Variants in SLC9A9 observed in about 807,000 individuals in gnomAD.
SLC9A9 encodes the protein solute carrier family 9 member A9.
SLC9A9 carries 62 observed loss-of-function variants against 77.8 expected under a neutral mutation model. That is an observed-to-expected ratio of 0.80 (90% CI 0.65 to 0.98). The LOEUF (loss-of-function observed/expected upper bound fraction) is 0.98, where lower values mean the gene tolerates loss of function less well. SLC9A9 is among the 50% of genes least tolerant of loss of function. The probability of loss-of-function intolerance (pLI) is 0.00; values close to 1 mark genes in which losing one functional copy is unlikely to be tolerated. For synonymous variants in SLC9A9, 320 were observed against 283.5 expected, an observed-to-expected ratio of 1.13 and a Z score of -1.29; for missense variants, 775 against 774.9, an observed-to-expected ratio of 1.00 and a Z score of 0.00.
At chr3:143,754,185 G>A (rs1382797927) in intron 4 of SLC9A9, among the ~76,000 whole-genome samples, 1 of 152,096 alleles carries the variant, frequency 6.6e-6, no homozygotes, top group African/African-American at 2.4e-5. Context: ...GAGATAAGAG[G>A]GAATGGAAAA....
chr3:143,691,706 G>T (rs1335941459), intron 5 of SLC9A9, among the ~76,000 whole-genome samples: 1 of 151,942 alleles, frequency 6.6e-6, no homozygotes, highest in Non-Finnish European at 1.5e-5. Context: ...CCCAGTCTTG[G>T]AGTTATTCCC....
intron 6 of SLC9A9, among the ~76,000 whole-genome samples, chr3:143,591,279 G>T (rs2037639967): frequency 6.6e-6 from 1 of 152,134 alleles, no homozygotes; most frequent in African/African-American, 2.4e-5. Context: ...TTTCACTTCG[G>T]TTCAAGTTAT....
intron 14 of SLC9A9, 119 bp downstream of exon 14, chr3:143,363,365 A>G: frequency 1.1e-6 from 1 of 907,592 alleles, no homozygotes; most frequent in Non-Finnish European, 1.8e-6. Flanking sequence ...TTTGGCTGTG[A>G]ATTCACTTTA....
chr3:143,795,657 A>G (rs548085211), intron 3 of SLC9A9, among the ~76,000 whole-genome samples: 3 of 152,290 alleles, frequency 2.0e-5, no homozygotes, highest in African/African-American at 7.2e-5. Context: ...TGAGTACAGG[A>G]GGTCGAAGCT....
At chr3:143,529,236 T>C (rs115373266) in intron 9 of SLC9A9, among the ~76,000 whole-genome samples, 1,736 of 152,236 alleles carry the variant, frequency 0.011, 43 homozygotes, top group African/African-American at 0.04. Flanking sequence ...ACCGCAATAC[T>C]GAGATAGCTA....
intron 12 of SLC9A9, among the ~76,000 whole-genome samples, chr3:143,463,159 G>A (rs1265813850): frequency 6.6e-6 from 1 of 152,232 alleles, no homozygotes; most frequent in Non-Finnish European, 1.5e-5. Flanking sequence ...CTTTTCTAAT[G>A]TCAGCTGGGA....
At chr3:143,287,978 T>A (rs1301731329) in intron 14 of SLC9A9, among the ~76,000 whole-genome samples, 1 of 152,086 alleles carries the variant, frequency 6.6e-6, no homozygotes, top group Non-Finnish European at 1.5e-5. Flanking sequence ...GGAAAAAAAA[T>A]TTAGGCTTTT....
intron 4 of SLC9A9, among the ~76,000 whole-genome samples, chr3:143,779,401 T>C (rs1183971065): frequency 1.3e-5 from 2 of 152,204 alleles, no homozygotes; most frequent in African/African-American, 4.8e-5. Context: ...AGATGGAGTT[T>C]TGTTTTGTTG....
At chr3:143,811,410 C>T (rs2008861850) in intron 2 of SLC9A9, among the ~76,000 whole-genome samples, 1 of 152,176 alleles carries the variant, frequency 6.6e-6, no homozygotes, top group Admixed American at 6.5e-5. Flanking sequence ...TGACCTTGGT[C>T]TATTTACTTA....
chr3:143,321,856 C>A (rs1215417938), intron 14 of SLC9A9, among the ~76,000 whole-genome samples: 2 of 152,068 alleles, frequency 1.3e-5, no homozygotes, highest in African/African-American at 4.8e-5. Flanking sequence ...GGCTATAGAC[C>A]CTTTGGGAGT....
At position 143,552,376 on chromosome 3, in the gene SLC9A9, T is replaced by C. The variant is rs776990452; in HGVS notation, c.1075A>G (p.Ile359Val). 6.2e-7 allele frequency: 1 copy of C among 1,612,558 alleles called. No homozygotes were observed. The change falls in exon 9 of 16, where the codon ATA (isoleucine) becomes GTA (valine). Residue 359 changes from isoleucine (I) to valine (V), a missense_variant. Transcript: ENST00000316549. ...TYNNLSSDSK[I>V]RTKQLFEFMN... The stretch of plus-strand genomic sequence containing the variant: ...TTTTCTTTTACCTGTTTAGTTCTTA[T>C]TTTGGAATCCGAAGACAGATTGTTG...
At chr3:143,311,591 A>G (rs992290815) in intron 14 of SLC9A9, among the ~76,000 whole-genome samples, 2 of 152,194 alleles carry the variant, frequency 1.3e-5, no homozygotes, top group Non-Finnish European at 2.9e-5. Context: ...AACAGCAGTA[A>G]TGGGGAGAAT....
chr3:143,484,248 G>A (rs929549654), intron 11 of SLC9A9, among the ~76,000 whole-genome samples: 1 of 152,126 alleles, frequency 6.6e-6, no homozygotes, highest in African/African-American at 2.4e-5. Context: ...TCTTTAAGGG[G>A]ATTGGCTTTT....
At chr3:143,454,732 A>G (rs1317931397) in intron 12 of SLC9A9, among the ~76,000 whole-genome samples, 1 of 152,136 alleles carries the variant, frequency 6.6e-6, no homozygotes, top group Non-Finnish European at 1.5e-5. Context: ...CTGGAGGAAA[A>G]TCTTTCTAAT....
At chr3:143,514,543 G>T (rs1301023179) in intron 9 of SLC9A9, among the ~76,000 whole-genome samples, 2 of 152,186 alleles carry the variant, frequency 1.3e-5, no homozygotes, top group Non-Finnish European at 2.9e-5. Context: ...GAAATCTGTT[G>T]TTTAGTGTAG....
intron 2 of SLC9A9, among the ~76,000 whole-genome samples, chr3:143,808,998 T>C (rs1490459665): frequency 6.6e-6 from 1 of 152,236 alleles, no homozygotes; most frequent in Non-Finnish European, 1.5e-5. Context: ...AAGATCTTAA[T>C]TTTTCATTTA....
chr3:143,504,112 C>T, intron 9 of SLC9A9: 1 of 485,296 alleles, frequency 2.1e-6, no homozygotes, highest in Non-Finnish European at 4.1e-6. Context: ...GTGGAACTTG[C>T]CATGGGTGGA....
intron 12 of SLC9A9, among the ~76,000 whole-genome samples, chr3:143,389,712 G>A (rs1029944049): frequency 3.3e-5 from 5 of 152,194 alleles, no homozygotes; most frequent in Admixed American, 3.3e-4. Flanking sequence ...CTGAAGTGGA[G>A]ATTCTGACCA....
At chr3:143,363,425 G>T in intron 14 of SLC9A9, 59 bp downstream of exon 14, 2 of 1,498,118 alleles carry the variant, frequency 1.3e-6, no homozygotes, top group Non-Finnish European at 1.9e-6. Flanking sequence ...ATGATTAAGA[G>T]CTTAAAGTAA....
Sources: allele counts gnomAD v4.1 joint callset (sites outside exome capture counted in the v4.1 genomes callset), GRCh38; gene constraint gnomAD v4.1.1; transcripts MANE v1.5; gene names NCBI Gene and HGNC (gene_info 2026-07-23, HGNC 2026-07-21).